Variants in FGF13 observed in about 807,000 individuals in gnomAD.
FGF13 encodes the protein fibroblast growth factor 13, also known as fibroblast growth factor homologous factor 2.
In FGF13, 2 loss-of-function variants were observed where a neutral mutation model predicts 19.5. The observed-to-expected ratio is 0.10, with a 90% CI of 0.04 to 0.32. FGF13 has a LOEUF of 0.32. FGF13 is among the 10% of genes least tolerant of loss of function. The probability of loss-of-function intolerance (pLI) is 1.00; values close to 1 mark genes in which losing one functional copy is unlikely to be tolerated. For synonymous variants in FGF13, 72 were observed against 76.9 expected, an observed-to-expected ratio of 0.94 and a Z score of 0.33; for missense variants, 113 against 192.7, an observed-to-expected ratio of 0.59 and a Z score of 2.45.
In FGF13 at chrX:139,176,924, G is replaced by C. The variant is rs913971299; in HGVS notation, c.-113+26492C>G. Among the ~76,000 whole-genome samples the C allele has an allele frequency of 4.7e-4, 52 of 111,613 alleles. 1 individual carries two copies. The highest frequency in any genetic ancestry group is 3.0e-4 in the Non-Finnish European group (16 of 53,172). On this transcript the variant is annotated intron_variant, in intron 1 of 2. Coordinates refer to the FGF13 transcript ENST00000421460. ...GGAGAGTTCTGTAGATGTCTATTAGGTCTGCTTCGTCCAGAGCTGAGTTTG... is the reference window on the plus strand; with the variant it reads ...GGAGAGTTCTGTAGATGTCTATTAGCTCTGCTTCGTCCAGAGCTGAGTTTG...
At chrX:138,984,523 G>GGAAGAAGAAGAAGAAGAA (rs1209275314) in intron 1 of FGF13, among the ~76,000 whole-genome samples, 97 of 31,570 alleles carry the variant, frequency 3.1e-3, no homozygotes, top group East Asian at 5.5e-3. Context: ...AAGAAGAAGA[G>GGAAGAAGAAGAAGAAGAA]GAAGAAGAAG....
At chrX:138,863,521 A>G (rs1330232875) in intron 2 of FGF13, among the ~76,000 whole-genome samples, 1 of 112,112 alleles carries the variant, frequency 8.9e-6, no homozygotes, top group Non-Finnish European at 1.9e-5. Flanking sequence ...ACTTGAATGT[A>G]AGCTCCCAGG....
chrX:139,162,208 C>G (rs2084040672), intron 1 of FGF13, among the ~76,000 whole-genome samples: 1 of 111,845 alleles, frequency 8.9e-6, no homozygotes, highest in Admixed American at 9.5e-5. Context: ...GATATAAAGA[C>G]CAATGGAACA....
chrX:139,002,418 C>T (rs934921749), intron 1 of FGF13, among the ~76,000 whole-genome samples: 20 of 110,324 alleles, frequency 1.8e-4, no homozygotes, highest in Non-Finnish European at 3.4e-4. Context: ...CTAATATTGC[C>T]GTCAAAAAAA....
chrX:138,739,485 G>A, upstream of FGF13: 1 of 324,762 alleles, frequency 3.1e-6, no homozygotes, highest in Non-Finnish European at 5.4e-6. Flanking sequence ...GATTCATCAT[G>A]TAGCAGTATT....
At chrX:138,649,056 C>G (rs138193688) in intron 3 of FGF13, among the ~76,000 whole-genome samples, 159 of 111,645 alleles carry the variant, frequency 1.4e-3, no homozygotes, top group African/African-American at 5.1e-3. Context: ...GGGGCTAAAA[C>G]TTTAAATGTC....
rs576882384 is a variant in FGF13, at chrX:139,153,014, C to T, written c.-113+50402G>A. Among the ~76,000 whole-genome samples, 3 of 111,385 alleles carry T rather than the reference C, an allele frequency of 2.7e-5. 1 individual carries two copies. The Admixed American group carries it at 2.9e-4, about 11-fold the overall frequency. Reference sequence around the variant, plus strand: ...ATAAGTAGGCAATTGGAGTCTAGCACTGTTTAGGTGCTCACTGTACTGTGA... The same window carrying T: ...ATAAGTAGGCAATTGGAGTCTAGCATTGTTTAGGTGCTCACTGTACTGTGA... On this transcript the variant is annotated intron_variant, in intron 1 of 2. Coordinates refer to the FGF13 transcript ENST00000421460.
intron 1 of FGF13, among the ~76,000 whole-genome samples, chrX:138,908,621 T>C (rs914523975): frequency 1.8e-5 from 2 of 111,011 alleles, no homozygotes; most frequent in African/African-American, 6.6e-5. Context: ...AAAATTATAT[T>C]AGTTAAAAAA....
At chrX:138,643,717 A>G (rs2124113464) in intron 3 of FGF13, among the ~76,000 whole-genome samples, 1 of 112,064 alleles carries the variant, frequency 8.9e-6, no homozygotes, top group South Asian at 3.8e-4. Flanking sequence ...GGAATTTTTT[A>G]TTTCAAGCGA....
intron 1 of FGF13, among the ~76,000 whole-genome samples, chrX:138,874,776 A>G (rs1176044331): frequency 8.9e-6 from 1 of 111,853 alleles, no homozygotes; most frequent in Non-Finnish European, 1.9e-5. Context: ...TCAGCAGAAG[A>G]GTAACTTGGT....
chrX:138,983,772 C>T (rs2091974355), intron 1 of FGF13, among the ~76,000 whole-genome samples: 1 of 111,126 alleles, frequency 9.0e-6, no homozygotes, highest in Admixed American at 9.6e-5. Context: ...GATATGGAAA[C>T]AACCAAAATG....
At chrX:139,161,809 C>A (rs2084036736) in intron 1 of FGF13, among the ~76,000 whole-genome samples, 1 of 111,413 alleles carries the variant, frequency 9.0e-6, no homozygotes, top group South Asian at 3.7e-4. Flanking sequence ...ACAATTGCTA[C>A]AAAGAGAATA....
chrX:139,097,552 CA>C (rs112478207), intron 1 of FGF13, among the ~76,000 whole-genome samples: 14,240 of 104,181 alleles, frequency 0.14, 741 homozygotes, highest in South Asian at 0.21. Context: ...GAAAAGGTGG[CA>C]AAAAAAAAGG....
At chrX:139,049,535 T>C (rs1474448315) in intron 1 of FGF13, among the ~76,000 whole-genome samples, 1 of 112,569 alleles carries the variant, frequency 8.9e-6, no homozygotes, top group Non-Finnish European at 1.9e-5. Context: ...GAAGACTGAC[T>C]TGTGTGCTTC....
chrX:138,945,002 G>A (rs2091775415), intron 1 of FGF13, among the ~76,000 whole-genome samples: 1 of 109,147 alleles, frequency 9.2e-6, no homozygotes, highest in Admixed American at 9.8e-5. Flanking sequence ...AAAAGCTGTT[G>A]GTCACCATTG....
intron 1 of FGF13, among the ~76,000 whole-genome samples, chrX:139,180,244 T>C (rs2084228210): frequency 8.9e-6 from 1 of 112,267 alleles, no homozygotes; most frequent in East Asian, 2.8e-4. Flanking sequence ...TCTTCCAAGC[T>C]GCTCACCACC....
intron 1 of FGF13, among the ~76,000 whole-genome samples, chrX:139,007,580 G>A (rs1247596985): frequency 8.9e-6 from 1 of 112,137 alleles, no homozygotes; most frequent in African/African-American, 3.2e-5. Context: ...CTTTCTCAAG[G>A]ATAAACCATA....
intron 3 of FGF13, among the ~76,000 whole-genome samples, chrX:138,700,836 T>C (rs754570641): frequency 8.9e-6 from 1 of 112,095 alleles, no homozygotes; most frequent in East Asian, 2.8e-4. Flanking sequence ...CATTTGGATG[T>C]ATATTGGCCC....
intron 1 of FGF13, among the ~76,000 whole-genome samples, chrX:139,002,010 T>TA (rs1487726003): frequency 9.0e-6 from 1 of 110,950 alleles, no homozygotes; most frequent in South Asian, 3.8e-4. Flanking sequence ...TATGCAGCCA[T>TA]AAAAAAAGGA....
Sources: gnomAD v4.1 joint callset for allele counts (sites outside exome capture counted in the v4.1 genomes callset) on GRCh38, gnomAD v4.1.1 for gene constraint, MANE v1.5 for transcripts, NCBI Gene and HGNC (gene_info 2026-07-23, HGNC 2026-07-21) for gene names.